Variants in FAM220A observed in about 807,000 individuals in gnomAD.
FAM220A encodes protein FAM220A.
For missense variants in FAM220A, 392 were observed against 321.6 expected, an observed-to-expected ratio of 1.22 and a Z score of -1.68; for synonymous variants, 141 against 130.7, an observed-to-expected ratio of 1.08 and a Z score of -0.54.
chr7:6,345,936 T>C (rs1473895899), intron 1 of FAM220A, among the ~76,000 whole-genome samples: 1 of 151,928 alleles, frequency 6.6e-6, no homozygotes, highest in East Asian at 1.9e-4. Context: ...ACCTGCCTAA[T>C]TTTTGTATTT....
intron 1 of FAM220A, among the ~76,000 whole-genome samples, chr7:6,342,726 A>T (rs562996732): frequency 3.9e-5 from 6 of 152,246 alleles, no homozygotes; most frequent in African/African-American, 1.4e-4. Context: ...ATAGAAAGAC[A>T]TAAAAGACAA....
rs765079415 is a variant in FAM220A, at chr7:6,329,944, C to G, written c.*431G>C. The G allele has an allele frequency of 5.7e-6, 1 of 174,318 alleles. No homozygotes were observed. Among genetic ancestry groups the G allele is most frequent in the Admixed American group, 6.0e-5 (1 of 16,532 alleles). 10.8% of individuals were successfully genotyped at this position (174,318 alleles called of 1,614,324 possible). ...ATGTAGACATGGTAACAGCTTACCA[C>G]GAATTCAGCAAGATTTAACGCCAAG... is the stretch of plus-strand genomic sequence containing the variant. On this transcript the variant is annotated 3_prime_UTR_variant, in exon 2 of 2. Coordinates refer to ENST00000313324, the MANE Select transcript of FAM220A (RefSeq NM_001037163.2).
At chr7:6,343,036 CAA>C (rs397933729) in intron 1 of FAM220A, among the ~76,000 whole-genome samples, 1 of 99,076 alleles carries the variant, frequency 1.0e-5, no homozygotes. Flanking sequence ...GACGCTTTCT[CAA>C]AAAAAAAAAA....
At chr7:6,343,596 C>A (rs1781904997) in intron 1 of FAM220A, among the ~76,000 whole-genome samples, 1 of 151,606 alleles carries the variant, frequency 6.6e-6, no homozygotes, top group Non-Finnish European at 1.5e-5. Flanking sequence ...CATTTAACTG[C>A]CTTGTATTTC....
At chr7:6,338,256 T>C (rs553390080) in intron 1 of FAM220A, among the ~76,000 whole-genome samples, 1 of 152,042 alleles carries the variant, frequency 6.6e-6, no homozygotes, top group Admixed American at 6.6e-5. Context: ...CATTTATGAG[T>C]TTTTTCATAG....
In FAM220A at chr7:6,330,984, T is replaced by C; in HGVS notation, c.171A>G (p.Gln57=). The part of the protein sequence containing the change: ...MNKPVVDGNS[Q]SEALSLEMRK... ...TCATTTCCAGTGATAATGCCTCACTTTGTGAATTTCCATCAACCACAGGCT... is the reference window on the plus strand; with the variant it reads ...TCATTTCCAGTGATAATGCCTCACTCTGTGAATTTCCATCAACCACAGGCT... Residue 57 remains glutamine, a synonymous_variant, in exon 2 of 2, where the codon CAA becomes CAG. Transcript: ENST00000313324. The C allele has an allele frequency of 6.2e-7, 1 of 1,614,196 alleles. No individual in the cohort carries two copies. The highest frequency in any genetic ancestry group is 1.7e-5 in the Admixed American group (1 of 60,010).
rs566928899 is a variant in FAM220A at position 6,344,166 on chromosome 7, G to A, written c.-82+4407C>T. 6.0e-5 allele frequency among the ~76,000 whole-genome samples: 9 copies of A among 150,706 alleles called. No individual in the cohort carries two copies. The South Asian group carries it at 1.3e-3, about 21-fold the overall frequency. Reference sequence around the variant, plus strand: ...AGAACAAGAAAAAAAAAAAAAAGGCGTGGGGCTGTCCCCCTTATTCCTTCA... The same window carrying A: ...AGAACAAGAAAAAAAAAAAAAAGGCATGGGGCTGTCCCCCTTATTCCTTCA... On this transcript the variant is annotated intron_variant, in intron 1 of 1. Coordinates refer to ENST00000313324, the MANE Select transcript of FAM220A (RefSeq NM_001037163.2).
At chr7:6,344,608 G>A (rs866575989) in intron 1 of FAM220A, among the ~76,000 whole-genome samples, 18 of 152,130 alleles carry the variant, frequency 1.2e-4, no homozygotes, top group East Asian at 7.7e-4. Context: ...TTGTAGAGAC[G>A]GAGTTTCGCC....
Position 6,329,560 on chromosome 7 carries a change from G to T in FAM220A, c.*815C>A, listed in dbSNP as rs1781585993. 2 of 154,160 alleles carry T rather than the reference G, an allele frequency of 1.3e-5. No homozygotes were observed. The highest frequency in any genetic ancestry group is 1.3e-4 in the Admixed American group (2 of 15,218). 9.5% of individuals were successfully genotyped at this position (154,160 alleles called of 1,614,324 possible). A position where few individuals can be genotyped will look rare whatever the true frequency, so the allele number is the denominator to read the frequency against. On this transcript the variant is annotated 3_prime_UTR_variant, in exon 2 of 2. Coordinates refer to ENST00000313324, the MANE Select transcript of FAM220A (RefSeq NM_001037163.2). Reference sequence around the variant, plus strand: ...CCGAAAATGTTTAAGTTTCACTTTGGGAGTCTTTAAAAACTTATGTCCTTA... The same window carrying T: ...CCGAAAATGTTTAAGTTTCACTTTGTGAGTCTTTAAAAACTTATGTCCTTA...
In FAM220A at chr7:6,330,441, C is replaced by G. The variant is rs1205290409; in HGVS notation, c.714G>C (p.Leu238=). ...KKMLKSTSDG[L]QITLGLLALQ... ...GAGCCAGTAACCCCAGTGTTATCTGCAGACCATCTGAGGTGCTTTTAAGCA... is the reference window on the plus strand; with the variant it reads ...GAGCCAGTAACCCCAGTGTTATCTGGAGACCATCTGAGGTGCTTTTAAGCA... Residue 238 remains leucine (L), a synonymous_variant, in exon 2 of 2, where the codon CTG becomes CTC. Coordinates refer to ENST00000313324, the MANE Select transcript of FAM220A (RefSeq NM_001037163.2). The G allele has an allele frequency of 1.2e-6, 2 of 1,614,144 alleles. No homozygotes were observed. Among genetic ancestry groups the G allele is most frequent in the South Asian group, 2.2e-5 (2 of 91,084 alleles).
chr7:6,339,104 G>C (rs1373811812), intron 1 of FAM220A, among the ~76,000 whole-genome samples: 1 of 152,176 alleles, frequency 6.6e-6, no homozygotes. Context: ...TCTAAATTAG[G>C]CTGAATCATG....
rs558994005 is a variant in FAM220A, at chr7:6,347,142, C to T, written c.-82+1431G>A. Among the ~76,000 whole-genome samples, 11 of 152,232 alleles carry T rather than the reference C, an allele frequency of 7.2e-5. No homozygotes were observed. The East Asian group carries it at 1.3e-3, about 19-fold the overall frequency. Reference sequence around the variant, plus strand: ...AGAAGTTCAAGACCAGCCTTGGCAACATGGGAAGACCCTGTCTCTACCAAA... The same window carrying T: ...AGAAGTTCAAGACCAGCCTTGGCAATATGGGAAGACCCTGTCTCTACCAAA... On this transcript the variant is annotated intron_variant, in intron 1 of 1. Coordinates refer to ENST00000313324, the MANE Select transcript of FAM220A (RefSeq NM_001037163.2).
intron 1 of FAM220A, among the ~76,000 whole-genome samples, chr7:6,333,175 AAAAAAAC>A (rs1296921424): frequency 1.3e-5 from 2 of 151,882 alleles, no homozygotes; most frequent in African/African-American, 4.8e-5. Flanking sequence ...AATCAAAAAA[AAAAAAAC>A]AAAAAACAAA....
intron 1 of FAM220A, among the ~76,000 whole-genome samples, chr7:6,345,684 G>C (rs1270411511): frequency 6.6e-6 from 1 of 152,040 alleles, no homozygotes; most frequent in Non-Finnish European, 1.5e-5. Flanking sequence ...AAAAAGGGGA[G>C]TACAGGAGCC....
intron 1 of FAM220A, among the ~76,000 whole-genome samples, chr7:6,344,578 C>G (rs951400469): frequency 6.6e-6 from 1 of 151,958 alleles, no homozygotes; most frequent in Non-Finnish European, 1.5e-5. Context: ...ACCACCACGC[C>G]CAGCTAATTT....
At chr7:6,335,093 C>T (rs1440113774) in intron 1 of FAM220A, among the ~76,000 whole-genome samples, 1 of 150,956 alleles carries the variant, frequency 6.6e-6, no homozygotes, top group African/African-American at 2.4e-5. Flanking sequence ...GACAGAGTCT[C>T]ACTCTGTCAC....
intron 1 of FAM220A, among the ~76,000 whole-genome samples, chr7:6,331,635 C>T (rs1402662870): frequency 6.6e-6 from 1 of 151,916 alleles, no homozygotes; most frequent in African/African-American, 2.4e-5. Flanking sequence ...TCGCCTTGGC[C>T]TCCCAAAGTA....
intron 1 of FAM220A, among the ~76,000 whole-genome samples, chr7:6,336,662 AGAGC>A (rs1165834730): frequency 1.3e-5 from 2 of 149,908 alleles, no homozygotes; most frequent in Non-Finnish European, 3.0e-5. Context: ...CCAGCCTGAG[AGAGC>A]GAGCAAGACT....
chr7:6,340,179 C>T (rs1458965207), intron 1 of FAM220A, among the ~76,000 whole-genome samples: 3 of 152,168 alleles, frequency 2.0e-5, no homozygotes, highest in Admixed American at 2.0e-4. Context: ...GCTACCGCGC[C>T]CGGCCCCTCC....
Sources: gnomAD v4.1 joint callset for allele counts (sites outside exome capture counted in the v4.1 genomes callset) on GRCh38, gnomAD v4.1.1 for gene constraint, MANE v1.5 for transcripts, NCBI Gene and HGNC (gene_info 2026-07-23, HGNC 2026-07-21) for gene names.